ARHGAP32: variants seen among roughly 807,000 people sequenced by gnomAD.
The protein encoded by ARHGAP32 is rho GTPase-activating protein 32.
Under a neutral mutation model 186.5 loss-of-function variants are expected in ARHGAP32, and 51 were observed. The observed-to-expected ratio is 0.27, with a 90% CI of 0.22 to 0.35. ARHGAP32 has a LOEUF of 0.35. Ranked by LOEUF, ARHGAP32 falls within the 10% of genes least tolerant of loss-of-function variation. The pLI is 1.00. For missense variants in ARHGAP32, 2,186 were observed against 2,623.5 expected, an observed-to-expected ratio of 0.83 and a Z score of 3.64; for synonymous variants, 950 against 964.3, an observed-to-expected ratio of 0.99 and a Z score of 0.27.
At chr11:129,238,704 C>A (rs191841632) in intron 1 of ARHGAP32, among the ~76,000 whole-genome samples, 4 of 150,110 alleles carry the variant, frequency 2.7e-5, no homozygotes, top group Admixed American at 2.7e-4. Flanking sequence ...ATGCTAAGAC[C>A]CAGTCTCAAA....
intron 12 of ARHGAP32, among the ~76,000 whole-genome samples, chr11:128,990,233 C>A (rs1946009127): frequency 6.6e-6 from 1 of 152,180 alleles, no homozygotes. Flanking sequence ...TGAATACCCA[C>A]AAGTAGAGGT....
chr11:129,189,604 C>A (rs1347485157), intron 1 of ARHGAP32, among the ~76,000 whole-genome samples: 3 of 152,150 alleles, frequency 2.0e-5, no homozygotes, highest in Non-Finnish European at 1.5e-5. Context: ...TATTTTACCA[C>A]AGTGACAAGG....
chr11:129,059,811 A>T (rs1036070137), intron 10 of ARHGAP32, among the ~76,000 whole-genome samples: 2 of 151,970 alleles, frequency 1.3e-5, no homozygotes, highest in Non-Finnish European at 2.9e-5. Context: ...ATTTCTTTTT[A>T]AAAAAAGTTT....
intron 1 of ARHGAP32, among the ~76,000 whole-genome samples, chr11:129,173,659 T>C (rs747801291): frequency 6.6e-6 from 1 of 152,194 alleles, no homozygotes; most frequent in East Asian, 1.9e-4. Flanking sequence ...GCAAGTCTGG[T>C]TCAACATATG....
intron 6 of ARHGAP32, among the ~76,000 whole-genome samples, chr11:129,069,064 T>C (rs139951207): frequency 1.3e-5 from 2 of 152,232 alleles, no homozygotes; most frequent in African/African-American, 2.4e-5. Flanking sequence ...TTATCCATTA[T>C]ATCTTCTGAT....
At chr11:129,242,977 C>A (rs527966151) in intron 1 of ARHGAP32, among the ~76,000 whole-genome samples, 1 of 152,280 alleles carries the variant, frequency 6.6e-6, no homozygotes, top group Admixed American at 6.5e-5. Context: ...TCAATGGCTT[C>A]ATCTACCACC....
intron 5 of ARHGAP32, among the ~76,000 whole-genome samples, chr11:129,109,141 G>C (rs554211161): frequency 1.3e-5 from 2 of 152,180 alleles, no homozygotes; most frequent in East Asian, 3.9e-4. Flanking sequence ...ATGTAAGTGA[G>C]AATATGCAAT....
chr11:129,172,259 GAATGTTTCCATCTT>G (rs1320389675), intron 1 of ARHGAP32, among the ~76,000 whole-genome samples: 3 of 152,146 alleles, frequency 2.0e-5, no homozygotes, highest in Non-Finnish European at 4.4e-5. Context: ...TTTTCAAAGT[GAATGTTTCCATCTT>G]TTCTCCATTC....
intron 19 of ARHGAP32, 87 bp from the exon 20 acceptor site, chr11:128,976,721 A>C: frequency 1.8e-6 from 2 of 1,113,122 alleles, no homozygotes; most frequent in Non-Finnish European, 2.7e-6. Context: ...GATACATTTA[A>C]ACTTTTGAGA....
At chr11:129,048,301 G>A (rs1284888713) in intron 10 of ARHGAP32, among the ~76,000 whole-genome samples, 1 of 152,154 alleles carries the variant, frequency 6.6e-6, no homozygotes, top group African/African-American at 2.4e-5. Flanking sequence ...AAGTGAGTAA[G>A]ATAGCAAGGG....
At chr11:129,149,817 AT>A (rs1399577448) in intron 2 of ARHGAP32, among the ~76,000 whole-genome samples, 3 of 152,302 alleles carry the variant, frequency 2.0e-5, no homozygotes, top group Non-Finnish European at 2.9e-5. Context: ...GAAAAAAAAA[AT>A]ATCAGAAGGT....
intron 21 of ARHGAP32, 49 bp from the exon 22 acceptor site, chr11:128,973,481 T>C: frequency 6.3e-7 from 1 of 1,587,112 alleles, no homozygotes; most frequent in Non-Finnish European, 8.6e-7. Context: ...TAGCTTACGT[T>C]ATCCTAAATG....
intron 1 of ARHGAP32, among the ~76,000 whole-genome samples, chr11:129,209,608 C>G (rs1400382223): frequency 1.3e-5 from 2 of 151,298 alleles, no homozygotes; most frequent in Non-Finnish European, 2.9e-5. Flanking sequence ...ACCCACTAGG[C>G]AAAGCCATCA....
At chr11:128,987,830 T>C (rs1312527607) in intron 13 of ARHGAP32, among the ~76,000 whole-genome samples, 193 bp downstream of exon 13, 3 of 152,170 alleles carry the variant, frequency 2.0e-5, no homozygotes, top group East Asian at 1.9e-4. Flanking sequence ...TTAAGGTGCA[T>C]GGTTCTCTGA....
intron 16 of ARHGAP32, 104 bp downstream of exon 16, chr11:128,981,725 A>C (rs1945711774): frequency 8.7e-7 from 1 of 1,156,036 alleles, no homozygotes; most frequent in Admixed American, 2.5e-5. Context: ...AATAAAAAGA[A>C]CAGATTTGTT....
At chr11:129,242,793 G>GT (rs1213240897) in intron 1 of ARHGAP32, among the ~76,000 whole-genome samples, 1 of 151,776 alleles carries the variant, frequency 6.6e-6, no homozygotes, top group Non-Finnish European at 1.5e-5. Context: ...TTTCTAGGTA[G>GT]TAAGATTTTT....
chr11:129,066,217 C>T (rs1940683619), intron 7 of ARHGAP32, among the ~76,000 whole-genome samples: 1 of 152,062 alleles, frequency 6.6e-6, no homozygotes, highest in African/African-American at 2.4e-5. Context: ...TACTTTTCCC[C>T]ATAAACCTTA....
intron 11 of ARHGAP32, among the ~76,000 whole-genome samples, chr11:129,022,576 T>G (rs919697446): frequency 1.3e-5 from 2 of 152,204 alleles, no homozygotes; most frequent in African/African-American, 4.8e-5. Flanking sequence ...GAAATGACCC[T>G]AACAACAGCT....
chr11:129,177,420 C>T (rs1418947942), intron 1 of ARHGAP32, among the ~76,000 whole-genome samples: 1 of 152,134 alleles, frequency 6.6e-6, no homozygotes, highest in Non-Finnish European at 1.5e-5. Context: ...AGAGGGAATC[C>T]TCCCTAACTC....
Sources: allele counts gnomAD v4.1 joint callset (sites outside exome capture counted in the v4.1 genomes callset), GRCh38; gene constraint gnomAD v4.1.1; transcripts MANE v1.5; gene names NCBI Gene and HGNC (gene_info 2026-07-23, HGNC 2026-07-21).